TBC1D19: variants seen among roughly 807,000 people sequenced by gnomAD.
TBC1D19 encodes TBC1 domain family member 19, also known as TBC1 domain family, member 19.
A neutral mutation model predicts 89.0 loss-of-function variants in TBC1D19; 60 were observed. That is an observed-to-expected ratio of 0.67 (90% CI 0.55 to 0.84). TBC1D19 has a LOEUF of 0.84. TBC1D19 is among the 40% of genes least tolerant of loss of function. TBC1D19 has a pLI of 0.00. For missense variants in TBC1D19, 500 were observed against 610.8 expected (o/e 0.82, Z 1.91); for synonymous variants, 189 against 199.7 (o/e 0.95, Z 0.45).
chr4:26,615,114 T>G (rs1741600311), intron 3 of TBC1D19, among the ~76,000 whole-genome samples: 1 of 152,226 alleles, frequency 6.6e-6, no homozygotes, highest in Non-Finnish European at 1.5e-5. Context: ...ATTACACTTT[T>G]TTATGTCTTT....
In TBC1D19 at chr4:26,584,160, T is replaced by G. The variant is rs762731428; in HGVS notation, c.-34T>G. ...GCCCGTTCGCTCCGCGCCGGCGGCC[T>G]GTCCCCGCGGCTTGGCGGGCTAGGG... On this transcript the variant is annotated 5_prime_UTR_variant, in exon 1 of 21. Coordinates refer to ENST00000264866, the MANE Select transcript of TBC1D19 (RefSeq NM_018317.4). The G allele has an allele frequency of 6.9e-6, 11 of 1,597,844 alleles. No homozygotes were observed. The South Asian group carries it at 1.1e-4, about 16-fold the overall frequency.
chr4:26,789,198 G>T, the TBC1D19 span, among the ~76,000 whole-genome samples: 1 of 152,160 alleles, frequency 6.6e-6, no homozygotes, highest in South Asian at 2.1e-4. Flanking sequence ...ATGTGTAATT[G>T]AGTACTTGGC....
At chr4:26,689,558 G>C (rs938888820) in intron 13 of TBC1D19, among the ~76,000 whole-genome samples, 3 of 151,956 alleles carry the variant, frequency 2.0e-5, no homozygotes, top group African/African-American at 7.3e-5. Context: ...TTTTTCAACA[G>C]CATGAGCTTG....
the TBC1D19 span, among the ~76,000 whole-genome samples, chr4:26,798,702 A>C: frequency 3.9e-5 from 6 of 152,088 alleles, no homozygotes; most frequent in Non-Finnish European, 7.4e-5. Context: ...ATAGCCATAA[A>C]AAATGAAATC....
Position 26,637,296 on chromosome 4 carries a change from A to G in TBC1D19, c.369+11A>G. The stretch of plus-strand genomic sequence containing the variant: ...CCACTGGCACGAAAGGTACTTTTAA[A>G]CATTTTTCTGTTTAAGTATTTCATT... On this transcript the variant is annotated intron_variant, in intron 5 of 20. Coordinates refer to ENST00000264866, the MANE Select transcript of TBC1D19 (RefSeq NM_018317.4). 6.2e-7 allele frequency: 1 copy of G among 1,601,806 alleles called. No individual in the cohort carries two copies. The highest frequency in any genetic ancestry group is 8.5e-7 in the Non-Finnish European group (1 of 1,171,748).
chr4:26,665,532 C>T (rs189082926), intron 8 of TBC1D19, among the ~76,000 whole-genome samples: 1 of 151,762 alleles, frequency 6.6e-6, no homozygotes, highest in East Asian at 1.9e-4. Flanking sequence ...TTAGACATTA[C>T]TAGATAAGTA....
At chr4:26,735,515 T>A in intron 16 of TBC1D19, 28 bp downstream of exon 16, 1 of 1,543,730 alleles carries the variant, frequency 6.5e-7, no homozygotes, top group Non-Finnish European at 8.8e-7. Context: ...AACATCATAA[T>A]GTACACAAAA....
intron 7 of TBC1D19, among the ~76,000 whole-genome samples, chr4:26,648,219 A>G (rs888676963): frequency 6.6e-6 from 1 of 152,210 alleles, no homozygotes; most frequent in African/African-American, 2.4e-5. Context: ...GTTATAAACC[A>G]TCAAGATACA....
intron 13 of TBC1D19, 71 bp downstream of exon 13, chr4:26,688,478 T>C: frequency 1.5e-6 from 2 of 1,369,448 alleles, no homozygotes; most frequent in South Asian, 1.5e-5. Context: ...TTAGGAGATA[T>C]CTCTGCTGTT....
intron 15 of TBC1D19, among the ~76,000 whole-genome samples, chr4:26,728,736 G>A (rs1717470902): frequency 6.6e-6 from 1 of 152,174 alleles, no homozygotes; most frequent in Admixed American, 6.5e-5. Context: ...ACTATTGGCC[G>A]GGCGTGGTGG....
At chr4:26,784,546 C>T in the TBC1D19 span, among the ~76,000 whole-genome samples, 2 of 152,196 alleles carry the variant, frequency 1.3e-5, no homozygotes, top group Non-Finnish European at 2.9e-5. Flanking sequence ...GTATGCTGGG[C>T]TGGTGAAACA....
At chr4:26,735,288 TA>T (rs1184404833) in intron 15 of TBC1D19, among the ~76,000 whole-genome samples, 166 bp from the exon 16 acceptor site, 1 of 151,938 alleles carries the variant, frequency 6.6e-6, no homozygotes, top group Non-Finnish European at 1.5e-5. Flanking sequence ...CTGAAGGTAT[TA>T]AAAATATCTC....
chr4:26,739,773 A>G (rs1718243876), intron 16 of TBC1D19, 91 bp from the exon 17 acceptor site: 1 of 752,094 alleles, frequency 1.3e-6, no homozygotes, highest in South Asian at 2.9e-5. Context: ...TATGATTACT[A>G]TAAAATAGTG....
chr4:26,622,174 A>G (rs897929195), intron 4 of TBC1D19, among the ~76,000 whole-genome samples: 1 of 152,050 alleles, frequency 6.6e-6, no homozygotes, highest in Admixed American at 6.6e-5. Flanking sequence ...CAGCTCACCA[A>G]CATGGCACAT....
chr4:26,822,510 A>G, the TBC1D19 span, among the ~76,000 whole-genome samples: 1 of 152,172 alleles, frequency 6.6e-6, no homozygotes, highest in Non-Finnish European at 1.5e-5. Context: ...ATAAAGTTCC[A>G]TGGAAATATA....
intron 9 of TBC1D19, among the ~76,000 whole-genome samples, chr4:26,667,401 C>A (rs929109394): frequency 6.6e-6 from 1 of 151,946 alleles, no homozygotes; most frequent in South Asian, 2.1e-4. Context: ...TGATTTCTGG[C>A]AGCACAGATT....
chr4:26,806,870 G>C, the TBC1D19 span, among the ~76,000 whole-genome samples: 1 of 152,186 alleles, frequency 6.6e-6, no homozygotes, highest in Non-Finnish European at 1.5e-5. Flanking sequence ...GCCAAAGATG[G>C]CTGGTAAATG....
At chr4:26,669,348 A>G (rs954877659) in intron 9 of TBC1D19, among the ~76,000 whole-genome samples, 4 of 151,792 alleles carry the variant, frequency 2.6e-5, no homozygotes, top group Non-Finnish European at 4.4e-5. Flanking sequence ...GTATGTTACT[A>G]TCTTATAAAG....
At chr4:26,847,361 C>T in the TBC1D19 span, among the ~76,000 whole-genome samples, 1 of 152,126 alleles carries the variant, frequency 6.6e-6, no homozygotes, top group Non-Finnish European at 1.5e-5. Context: ...AGTGAGTTGT[C>T]AGACAAGGCT....
Sources: gnomAD v4.1 joint callset for allele counts (sites outside exome capture counted in the v4.1 genomes callset) on GRCh38, gnomAD v4.1.1 for gene constraint, MANE v1.5 for transcripts, NCBI Gene and HGNC (gene_info 2026-07-23, HGNC 2026-07-21) for gene names.